PAK5: variants seen among roughly 807,000 people sequenced by gnomAD.
PAK5 encodes the protein p21 (RAC1) activated kinase 5, also known as serine/threonine-protein kinase PAK 5.
PAK5 carries 16 observed loss-of-function variants against 65.9 expected under a neutral mutation model. The observed-to-expected ratio is 0.24, with a 90% CI of 0.16 to 0.37. PAK5 has a LOEUF of 0.37. Among genes scored for constraint, PAK5 ranks in the 10% least tolerant of loss-of-function variants. The pLI, the probability that PAK5 is intolerant of heterozygous loss-of-function variation, is 1.00. For synonymous variants in PAK5, 371 were observed against 354.9 expected, an observed-to-expected ratio of 1.05 and a Z score of -0.51; for missense variants, 785 against 903.9, an observed-to-expected ratio of 0.87 and a Z score of 1.69.
At chr20:9,785,486 C>T (rs867950229) in intron 1 of PAK5, among the ~76,000 whole-genome samples, 1 of 152,164 alleles carries the variant, frequency 6.6e-6, no homozygotes, top group Non-Finnish European at 1.5e-5. Context: ...TTCAAGTTAA[C>T]AAATTCTTTT....
chr20:9,548,411 G>C (rs2045377493), intron 7 of PAK5, among the ~76,000 whole-genome samples: 1 of 151,332 alleles, frequency 6.6e-6, no homozygotes, highest in South Asian at 2.1e-4. Flanking sequence ...AAGTTTTAGG[G>C]TACATGTGCA....
At chr20:9,641,587 T>TTG (rs2047062511) in intron 3 of PAK5, among the ~76,000 whole-genome samples, 1 of 151,868 alleles carries the variant, frequency 6.6e-6, no homozygotes, top group Non-Finnish European at 1.5e-5. Flanking sequence ...TGCGGTGCGC[T>TTG]CACATTCCTC....
chr20:9,835,765 G>T (rs1483685581), intron 1 of PAK5, among the ~76,000 whole-genome samples: 1 of 152,164 alleles, frequency 6.6e-6, no homozygotes, highest in Non-Finnish European at 1.5e-5. Flanking sequence ...AAATGTGGAG[G>T]GTCAAGGGAA....
At chr20:9,553,656 C>A (rs2045464810) in intron 7 of PAK5, among the ~76,000 whole-genome samples, 1 of 151,788 alleles carries the variant, frequency 6.6e-6, no homozygotes, top group African/African-American at 2.4e-5. Flanking sequence ...CCCTGAGGTT[C>A]ACCCAAGTTC....
intron 2 of PAK5, among the ~76,000 whole-genome samples, chr20:9,647,281 A>G (rs1240234348): frequency 6.6e-6 from 1 of 152,210 alleles, no homozygotes; most frequent in Non-Finnish European, 1.5e-5. Context: ...TCTATACACC[A>G]TCTCTCTAAA....
intron 1 of PAK5, among the ~76,000 whole-genome samples, chr20:9,781,922 C>T (rs973797463): frequency 1.3e-5 from 2 of 152,146 alleles, no homozygotes; most frequent in Non-Finnish European, 2.9e-5. Flanking sequence ...AGTTTGTGCT[C>T]AGCGCAGCAG....
At chr20:9,679,272 C>T (rs2123397056) in intron 2 of PAK5, among the ~76,000 whole-genome samples, 1 of 152,258 alleles carries the variant, frequency 6.6e-6, no homozygotes, top group Admixed American at 6.5e-5. Context: ...ACTCTGATAT[C>T]AGTAAGACTT....
chr20:9,608,325 T>C (rs2046493657), intron 3 of PAK5, among the ~76,000 whole-genome samples: 2 of 152,252 alleles, frequency 1.3e-5, no homozygotes, highest in Admixed American at 6.5e-5. Flanking sequence ...AAGTTCTTTA[T>C]ATGGTACTTG....
At chr20:9,586,006 T>A (rs1173204278) in intron 3 of PAK5, among the ~76,000 whole-genome samples, 2 of 152,134 alleles carry the variant, frequency 1.3e-5, no homozygotes, top group Non-Finnish European at 2.9e-5. Context: ...CACCAGCTCA[T>A]CATTTACTGG....
chr20:9,668,781 G>C (rs1322153397), intron 2 of PAK5, among the ~76,000 whole-genome samples: 1 of 152,182 alleles, frequency 6.6e-6, no homozygotes, highest in Non-Finnish European at 1.5e-5. Context: ...ATTTTATTAA[G>C]ATGCTTTCAG....
At chr20:9,577,626 C>T (rs1298197370) in intron 4 of PAK5, 3 of 152,264 alleles carry the variant, frequency 2.0e-5, no homozygotes. Flanking sequence ...TCTAAAGACA[C>T]AGGCACCTCC....
At chr20:9,745,374 T>C (rs1284519655) in intron 1 of PAK5, among the ~76,000 whole-genome samples, 1 of 151,928 alleles carries the variant, frequency 6.6e-6, no homozygotes, top group Non-Finnish European at 1.5e-5. Flanking sequence ...CAGTTCATCC[T>C]CTTAGAACAA....
chr20:9,830,312 GCAA>G (rs1978607490), intron 1 of PAK5, among the ~76,000 whole-genome samples: 1 of 152,150 alleles, frequency 6.6e-6, no homozygotes, highest in Non-Finnish European at 1.5e-5. Context: ...AGTTATAAAA[GCAA>G]CAACATGATT....
intron 1 of PAK5, among the ~76,000 whole-genome samples, chr20:9,752,540 T>A (rs1478820896): frequency 6.6e-6 from 1 of 152,086 alleles, no homozygotes; most frequent in Non-Finnish European, 1.5e-5. Context: ...ATATGATAAA[T>A]TTTTGAGGTG....
chr20:9,642,811 T>G (rs575309477), intron 3 of PAK5, among the ~76,000 whole-genome samples: 16 of 152,330 alleles, frequency 1.1e-4, no homozygotes, highest in South Asian at 1.0e-3. Flanking sequence ...ATCCATTTTT[T>G]TGTGTGTGTA....
At chr20:9,638,367 T>C (rs1461969817) in intron 3 of PAK5, among the ~76,000 whole-genome samples, 13 of 152,234 alleles carry the variant, frequency 8.5e-5, no homozygotes, top group Admixed American at 8.5e-4. Context: ...CCTACATGGC[T>C]AGCCCAAAAG....
chr20:9,750,940 G>A (rs1428377723), intron 1 of PAK5, among the ~76,000 whole-genome samples: 2 of 152,144 alleles, frequency 1.3e-5, no homozygotes, highest in African/African-American at 2.4e-5. Flanking sequence ...CCACATGTCT[G>A]TGCCCTAGCT....
intron 4 of PAK5, among the ~76,000 whole-genome samples, chr20:9,570,453 G>C (rs2045758754): frequency 6.6e-6 from 1 of 152,150 alleles, no homozygotes; most frequent in African/African-American, 2.4e-5. Flanking sequence ...TGCTACACAA[G>C]GAAAACGTGT....
intron 3 of PAK5, among the ~76,000 whole-genome samples, chr20:9,640,743 A>G (rs1470983259): frequency 1.3e-5 from 2 of 151,832 alleles, no homozygotes; most frequent in African/African-American, 4.8e-5. Flanking sequence ...TCAGGAGTGA[A>G]GCTGCAGACC....
Sources: allele counts gnomAD v4.1 joint callset (sites outside exome capture counted in the v4.1 genomes callset), GRCh38; gene constraint gnomAD v4.1.1; transcripts MANE v1.5; gene names NCBI Gene and HGNC (gene_info 2026-07-23, HGNC 2026-07-21).